The following JAK2 variants were observed in gnomAD, a reference collection of about 807,000 sequenced individuals.
JAK2 encodes the protein tyrosine-protein kinase JAK2.
A neutral mutation model predicts 139.3 loss-of-function variants in JAK2; 86 were observed. The ratio of observed to expected loss-of-function variants is 0.62; its 90% confidence interval spans 0.52 to 0.74. The LOEUF is 0.74. Ranked by LOEUF, JAK2 falls within the 30% of genes least tolerant of loss-of-function variation. The pLI, the probability that JAK2 is intolerant of heterozygous loss-of-function variation, is 0.00. For missense variants in JAK2, 1,421 were observed against 1,360.3 expected (o/e 1.04, Z -0.70); for synonymous variants, 490 against 437.7 (o/e 1.12, Z -1.49).
intron 22 of JAK2, chr9:5,111,926 T>C (rs748549012): frequency 2.3e-5 from 8 of 348,010 alleles, no homozygotes; most frequent in African/African-American, 1.3e-4. Context: ...CAATCTACTC[T>C]CCGGATCACT....
Position 5,090,746 on chromosome 9 carries a change from A to C in JAK2, c.2894A>C (p.Glu965Ala). The C allele has an allele frequency of 6.2e-7, 1 of 1,602,524 alleles. No homozygotes were observed. Among genetic ancestry groups the C allele is most frequent in the South Asian group, 1.1e-5 (1 of 88,004 alleles). The change falls in exon 22 of 25, where the codon GAG becomes GCG. Residue 965 changes from glutamate (E) to alanine (A), a missense_variant. Glu to Ala is a moderately radical substitution (Grantham distance 107). Coordinates refer to ENST00000381652, the MANE Select transcript of JAK2 (RefSeq NM_004972.4). Reference sequence around the variant, plus strand: ...AAAATGTTTTATCCATAGGGTATGGAGTATCTTGGTACAAAAAGGTATATC... The same window carrying C: ...AAAATGTTTTATCCATAGGGTATGGCGTATCTTGGTACAAAAAGGTATATC... ...QYTSQICKGM[E>A]YLGTKRYIHR...
intron 4 of JAK2, among the ~76,000 whole-genome samples, chr9:5,035,218 C>T (rs112524408): frequency 5.9e-5 from 9 of 152,098 alleles, no homozygotes; most frequent in African/African-American, 2.2e-4. Context: ...CAATAACAGG[C>T]TCTGAAATTG....
chr9:5,124,844 T>G (rs1210861575), intron 23 of JAK2, among the ~76,000 whole-genome samples: 1 of 151,538 alleles, frequency 6.6e-6, no homozygotes, highest in South Asian at 2.1e-4. Flanking sequence ...ATCCAAAGAA[T>G]AGTAAGCCTA....
chr9:5,104,476 G>C (rs1821790577), intron 22 of JAK2, among the ~76,000 whole-genome samples: 1 of 152,196 alleles, frequency 6.6e-6, no homozygotes. Flanking sequence ...AATTCTCCTA[G>C]AGGTACAAAG....
rs1036030021 is a variant in JAK2 at position 5,129,529 on chromosome 9, G to A, written c.*2738G>A. Among the ~76,000 whole-genome samples, 4 of 152,054 alleles carry A rather than the reference G, an allele frequency of 2.6e-5. No individual in the cohort carries two copies. Among genetic ancestry groups the A allele is most frequent in the African/African-American group, 4.8e-5 (2 of 41,404 alleles). ...AGTTTCTCTAATTTGGGGGCATAAT[G>A]TACTAAGAATCAGTTTGCTGTATAT... On this transcript the variant is annotated 3_prime_UTR_variant, in exon 25 of 25. Transcript: ENST00000381652.
At chr9:5,034,601 AC>A (rs1477124968) in intron 4 of JAK2, among the ~76,000 whole-genome samples, 1 of 152,044 alleles carries the variant, frequency 6.6e-6, no homozygotes, top group Non-Finnish European at 1.5e-5. Flanking sequence ...AAACCACTCA[AC>A]TACATGGAAA....
chr9:5,124,619 A>C (rs1484359403), intron 23 of JAK2, among the ~76,000 whole-genome samples: 1 of 151,906 alleles, frequency 6.6e-6, no homozygotes, highest in Non-Finnish European at 1.5e-5. Context: ...AAGCAAAAAG[A>C]ACAAAGCTGG....
At chr9:5,084,091 G>C (rs903050158) in intron 19 of JAK2, among the ~76,000 whole-genome samples, 1 of 151,896 alleles carries the variant, frequency 6.6e-6, no homozygotes, top group Non-Finnish European at 1.5e-5. Context: ...CCATAGTTCC[G>C]TGAGCTTAAA....
chr9:5,087,483 C>T (rs963700415), intron 19 of JAK2, among the ~76,000 whole-genome samples: 19 of 42,630 alleles, frequency 4.5e-4, no homozygotes, highest in Non-Finnish European at 6.1e-4. Flanking sequence ...CACTCCCTTA[C>T]TTGATTTCTT....
chr9:5,111,706 C>T (rs964659109), intron 22 of JAK2: 42 of 430,162 alleles, frequency 9.8e-5, no homozygotes, highest in East Asian at 3.3e-4. Flanking sequence ...GCACGTTTGG[C>T]GGCCTGCACC....
chr9:5,034,554 C>T lies in JAK2; in HGVS notation c.350+4648C>T, dbSNP rs372017712. On this transcript the variant is annotated intron_variant, in intron 4 of 24. Transcript: ENST00000381652. ...ACAAACTGTCTCTCAGACCACAGTG[C>T]AATCAAACTAGAACTCAGGATTAAG... 1.3e-4 allele frequency among the ~76,000 whole-genome samples: 20 copies of T among 152,098 alleles called. No individual in the cohort carries two copies. The East Asian group carries it at 3.9e-3, about 29-fold the overall frequency.
chr9:5,065,312 AAAAG>A (rs1818491075), intron 9 of JAK2, among the ~76,000 whole-genome samples: 1 of 152,210 alleles, frequency 6.6e-6, no homozygotes, highest in Admixed American at 6.5e-5. Context: ...ATGTTACTAA[AAAAG>A]AAAGATCTCC....
At chr9:5,035,680 A>T (rs1166659847) in intron 4 of JAK2, among the ~76,000 whole-genome samples, 1 of 152,218 alleles carries the variant, frequency 6.6e-6, no homozygotes, top group Non-Finnish European at 1.5e-5. Context: ...AAATTCAACA[A>T]CCCTTCATGC....
intron 22 of JAK2, chr9:5,113,432 A>C (rs1029469784): frequency 1.2e-5 from 1 of 86,510 alleles, no homozygotes; most frequent in African/African-American, 3.2e-5. Flanking sequence ...TTTAAAAAAA[A>C]AAAAAAAAAA....
chr9:5,012,983 A>G (rs1030535620), intron 2 of JAK2, among the ~76,000 whole-genome samples: 22 of 151,382 alleles, frequency 1.5e-4, no homozygotes, highest in Middle Eastern at 3.4e-3. Context: ...GTAGTTGTGG[A>G]AAAAAAAGCC....
Position 4,994,962 on chromosome 9 carries a change from A to G in JAK2, c.-26+8940A>G, listed in dbSNP as rs573837386. ...TCAGGGCGTGTGTGTGTGTGTGACTATAACTAAAGATTAAGTAGAAGAGGA... is the reference window on the plus strand; with the variant it reads ...TCAGGGCGTGTGTGTGTGTGTGACTGTAACTAAAGATTAAGTAGAAGAGGA... On this transcript the variant is annotated intron_variant, in intron 2 of 24. Coordinates refer to ENST00000381652, the MANE Select transcript of JAK2 (RefSeq NM_004972.4). 4.1e-4 allele frequency among the ~76,000 whole-genome samples: 63 copies of G among 151,846 alleles called. 1 individual carries two copies. The highest frequency in any genetic ancestry group is 1.5e-3 in the African/African-American group (63 of 41,148).
chr9:5,096,057 C>G (rs551701737), intron 22 of JAK2, among the ~76,000 whole-genome samples: 1 of 152,176 alleles, frequency 6.6e-6, no homozygotes, highest in East Asian at 1.9e-4. Flanking sequence ...GTCTTATTAC[C>G]CCAACCATTA....
intron 4 of JAK2, chr9:5,041,786 T>G (rs1041237479): frequency 4.3e-5 from 21 of 487,032 alleles, no homozygotes; most frequent in Non-Finnish European, 8.2e-5. Flanking sequence ...AGCCTCAGCT[T>G]CGGGACAAAG....
At chr9:5,063,341 A>G (rs992956230) in intron 8 of JAK2, among the ~76,000 whole-genome samples, 2 of 152,218 alleles carry the variant, frequency 1.3e-5, no homozygotes, top group African/African-American at 4.8e-5. Context: ...CCTGTCATAT[A>G]TGATAGCATT....
Sources: allele counts gnomAD v4.1 joint callset (sites outside exome capture counted in the v4.1 genomes callset), GRCh38; gene constraint gnomAD v4.1.1; transcripts MANE v1.5; gene names NCBI Gene and HGNC (gene_info 2026-07-23, HGNC 2026-07-21).